DNAH10: variants seen among roughly 807,000 people sequenced by gnomAD.
The protein encoded by DNAH10 is axonemal beta dynein heavy chain 10.
Under a neutral mutation model 506.6 loss-of-function variants are expected in DNAH10, and 348 were observed. The observed-to-expected ratio is 0.69, with a 90% CI of 0.63 to 0.75. The LOEUF is 0.75. Ranked by LOEUF, DNAH10 falls within the 30% of genes least tolerant of loss-of-function variation. The pLI, the probability that DNAH10 is intolerant of heterozygous loss-of-function variation, is 0.00. For synonymous variants in DNAH10, 2,059 were observed against 2,198.6 expected (o/e 0.94, Z 1.78); for missense variants, 5,179 against 5,787.1 (o/e 0.89, Z 3.41).
intron 39 of DNAH10, among the ~76,000 whole-genome samples, chr12:123,863,308 G>A (rs1314343900): frequency 6.6e-6 from 1 of 152,228 alleles, no homozygotes; most frequent in Non-Finnish European, 1.5e-5. Context: ...AGGACACATG[G>A]TGTGTAACCC....
intron 10 of DNAH10, 24 bp from the exon 11 acceptor site, chr12:123,789,903 T>A: frequency 6.2e-7 from 1 of 1,601,968 alleles, no homozygotes; most frequent in South Asian, 1.1e-5. Flanking sequence ...TGTAATCTCC[T>A]CATTGTTCCG....
rs746985449 is a variant in DNAH10, at chr12:123,897,937, T to C, written c.9448T>C (p.Leu3150=). Residue 3150 remains leucine, a synonymous_variant, in exon 55 of 79, where the codon TTG becomes CTG. Coordinates refer to ENST00000673944, the MANE Select transcript of DNAH10 (RefSeq NM_001372106.1). ...TGATTTTATTAACACCTATTCAAAA[T>C]TGCTGGATGAGAAAACTCAGTGTAA... ...YLDFINTYSK[L]LDEKTQCNIA... is the part of the protein sequence containing the mutation. The C allele has an allele frequency of 6.3e-7, 1 of 1,596,914 alleles. No individual in the cohort carries two copies. The highest frequency in any genetic ancestry group is 1.4e-5 in the African/African-American group (1 of 73,796).
Position 123,909,125 on chromosome 12 carries a change from T to C in DNAH10, c.9816-136T>C. The C allele has an allele frequency of 1.6e-6, 2 of 1,214,334 alleles. No homozygotes were observed. Among genetic ancestry groups the C allele is most frequent in the East Asian group, 5.1e-5 (2 of 39,244 alleles). 75.2% of individuals were successfully genotyped at this position (1,214,334 alleles called of 1,614,324 possible). A position where few individuals can be genotyped will look rare whatever the true frequency, so the allele number is the denominator to read the frequency against. On this transcript the variant is annotated intron_variant, in intron 57 of 78. Coordinates refer to ENST00000673944, the MANE Select transcript of DNAH10 (RefSeq NM_001372106.1). This position sits in a 1 kb window ranked among gnomAD's most constrained non-coding sequence, Gnocchi z 5.4. ...CAGGAGTGCGGTTTGTGTTGGGACC[T>C]GGCTTCTTTCGTTTGCTTGCAGCAG...
chr12:123,800,028 A>T (rs1958423659), intron 14 of DNAH10, among the ~76,000 whole-genome samples, 188 bp from the exon 15 acceptor site: 1 of 152,204 alleles, frequency 6.6e-6, no homozygotes. Context: ...AATGCCGGCA[A>T]CTGAATTGAT....
intron 3 of DNAH10, 22 bp downstream of exon 3, chr12:123,771,720 T>C: frequency 1.9e-6 from 3 of 1,587,134 alleles, no homozygotes; most frequent in Non-Finnish European, 2.6e-6. Flanking sequence ...TCTTTGTCCT[T>C]GTTGGTGGGG....
chr12:123,867,132 TAC>T (rs1365032592), intron 41 of DNAH10, among the ~76,000 whole-genome samples: 3 of 152,232 alleles, frequency 2.0e-5, no homozygotes, highest in Non-Finnish European at 4.4e-5. Context: ...TTCACTGCTT[TAC>T]AGTCTTTTCT....
Position 123,930,407 on chromosome 12 carries a change from G to A in DNAH10, c.12618G>A (p.Met4206Ile). The change falls in exon 73 of 79, where the codon ATG becomes ATA. Residue 4206 changes from methionine (M) to isoleucine (I), a missense_variant. Physicochemically the swap from Met to Ile is conservative, Grantham distance 10. This residue lies in a region of DNAH10 where 4,844 missense variants were observed against 5,430.5 expected (regional missense o/e 0.89). Coordinates refer to ENST00000673944, the MANE Select transcript of DNAH10 (RefSeq NM_001372106.1). ...CTCAGGCCCTCTAATTTCAGGTCAT[G>A]TATGGAGGACGGGCCATCGACAGCT... ...GSLKYLIGEV[M>I]YGGRAIDSFD... 1 of 1,573,784 alleles carries A rather than the reference G, an allele frequency of 6.4e-7. No individual in the cohort carries two copies. Among genetic ancestry groups the A allele is most frequent in the Non-Finnish European group, 8.6e-7 (1 of 1,164,182 alleles).
intron 36 of DNAH10, among the ~76,000 whole-genome samples, chr12:123,855,777 T>G (rs1314613513): frequency 6.6e-6 from 1 of 151,402 alleles, no homozygotes; most frequent in Non-Finnish European, 1.5e-5. Context: ...GGAGGAAGTT[T>G]CTGCTCCTTC....
rs1426898478 is a variant in DNAH10, at chr12:123,903,593, C to T, written c.9815+480C>T. On this transcript the variant is annotated intron_variant, in intron 57 of 78. Coordinates refer to ENST00000673944, the MANE Select transcript of DNAH10 (RefSeq NM_001372106.1). The surrounding 1 kb of genome is among the most constrained non-coding windows in gnomAD (Gnocchi z 4.6). ...GAGAGTAGGTCACTATTGAGGCCCC[C>T]ATACATCTTGCAAATCAATCTGTAA... Among the ~76,000 whole-genome samples, 1 of 152,186 alleles carries T rather than the reference C, an allele frequency of 6.6e-6. No individual in the cohort carries two copies. Among genetic ancestry groups the T allele is most frequent in the Non-Finnish European group, 1.5e-5 (1 of 68,032 alleles).
At chr12:123,879,224 G>T (rs750976874) in intron 48 of DNAH10, 40 bp from the exon 49 acceptor site, 16 of 1,535,876 alleles carry the variant, frequency 1.0e-5, no homozygotes, top group Non-Finnish European at 6.2e-6. Context: ...GTATCCTTCA[G>T]GTGACTTCCT....
intron 40 of DNAH10, 87 bp from the exon 41 acceptor site, chr12:123,865,864 A>G (rs1366620049): frequency 1.5e-6 from 2 of 1,360,756 alleles, no homozygotes; most frequent in African/African-American, 3.0e-5. Context: ...ATGCAGTTGT[A>G]AAAACTTTCC....
At chr12:123,847,120 A>G (rs530703673) in intron 32 of DNAH10, among the ~76,000 whole-genome samples, 2 of 151,346 alleles carry the variant, frequency 1.3e-5, no homozygotes, top group Admixed American at 1.3e-4. Flanking sequence ...TTATCCATCC[A>G]TCCGTGCATC....
At chr12:123,861,585 G>A (rs1951614670) in intron 39 of DNAH10, among the ~76,000 whole-genome samples, 1 of 152,238 alleles carries the variant, frequency 6.6e-6, no homozygotes. Flanking sequence ...GTGCAGGAAT[G>A]CCCTCCTGAG....
At chr12:123,914,665 G>A in intron 61 of DNAH10, 115 bp downstream of exon 61, 1 of 1,403,376 alleles carries the variant, frequency 7.1e-7, no homozygotes, top group Non-Finnish European at 9.5e-7. Flanking sequence ...GACCACAGTT[G>A]GCTCGACTGC....
At chr12:123,826,955 AT>A (rs1001808778) in intron 25 of DNAH10, 57 bp downstream of exon 25, 83 of 1,493,834 alleles carry the variant, frequency 5.6e-5, no homozygotes, top group Non-Finnish European at 7.3e-5. Context: ...TTTAGTTAAA[AT>A]TGTTTCCCTC....
At chr12:123,799,641 A>G (rs943994911) in intron 14 of DNAH10, among the ~76,000 whole-genome samples, 3 of 152,226 alleles carry the variant, frequency 2.0e-5, no homozygotes, top group African/African-American at 7.2e-5. Flanking sequence ...AATGCGTTTT[A>G]TAAATCAGAT....
intron 19 of DNAH10, 55 bp downstream of exon 19, chr12:123,809,008 C>T: frequency 6.2e-7 from 1 of 1,600,098 alleles, no homozygotes; most frequent in Admixed American, 1.7e-5. Context: ...GATGCCTCCG[C>T]CTCCCAAAGT....
In DNAH10 at chr12:123,851,200, C is replaced by T. The variant is rs76417430; in HGVS notation, c.6291+124C>T. The T allele has an allele frequency of 5.2e-4, 510 of 987,664 alleles. 18 individuals are homozygous for T. In the African/African-American group the frequency reaches 9.1e-3, roughly 18 times the overall value. The allele number at this position is 987,664 out of a possible 1,614,324, so 61.2% of individuals were successfully genotyped here. The stretch of plus-strand genomic sequence containing the variant: ...CCAGACGGGACCTAGGATGTGTCAG[C>T]TCCATGTGGCTCTTCCAGATGGGAC... On this transcript the variant is annotated intron_variant, in intron 35 of 78. Coordinates refer to ENST00000673944, the MANE Select transcript of DNAH10 (RefSeq NM_001372106.1).
chr12:123,793,343 T>TC (rs1337734808), intron 11 of DNAH10, among the ~76,000 whole-genome samples: 3 of 142,758 alleles, frequency 2.1e-5, no homozygotes, highest in African/African-American at 8.0e-5. Flanking sequence ...GTTACTGTCT[T>TC]TTTTTTTTTT....
Sources: allele counts gnomAD v4.1 joint callset (sites outside exome capture counted in the v4.1 genomes callset), GRCh38; gene constraint gnomAD v4.1.1; regional missense constraint gnomAD v4.1.1; non-coding constraint Gnocchi (gnomAD v3.1); transcripts MANE v1.5; gene names NCBI Gene and HGNC (gene_info 2026-07-23, HGNC 2026-07-21).